PRKDC: variants seen among roughly 807,000 people sequenced by gnomAD.
PRKDC encodes the protein DNA-dependent protein kinase catalytic subunit.
Under a neutral mutation model 486.9 loss-of-function variants are expected in PRKDC, and 82 were observed. The observed-to-expected ratio is 0.17, with a 90% CI of 0.14 to 0.20. PRKDC has a LOEUF of 0.20. PRKDC is among the 10% of genes least tolerant of loss of function. PRKDC has a pLI of 1.00. For synonymous variants in PRKDC, 1,895 were observed against 1,837.0 expected, an observed-to-expected ratio of 1.03 and a Z score of -0.81; for missense variants, 4,504 against 5,038.2, an observed-to-expected ratio of 0.89 and a Z score of 3.21.
Position 47,957,380 on chromosome 8 carries a change from A to T in PRKDC, c.206T>A (p.Val69Asp), listed in dbSNP as rs1272072851. ...TTCAATACTGTTGAGTGACTTCCGG[A>T]CAAATACAAGCAAACCGAAATCTCT... ...FSRDFGLLVF[V>D]RKSLNSIEFR... Residue 69 changes from valine (V) to aspartate (D), a missense_variant, in exon 2 of 86, where the codon GTC (valine) becomes GAC (aspartate). This residue lies in a region of PRKDC where 145 missense variants were observed against 136.3 expected (regional missense o/e 1.06). Coordinates refer to ENST00000314191, the MANE Select transcript of PRKDC (RefSeq NM_006904.7). 6.3e-7 allele frequency: 1 copy of T among 1,598,116 alleles called. No individual in the cohort carries two copies. Among genetic ancestry groups the T allele is most frequent in the Non-Finnish European group, 8.5e-7 (1 of 1,171,722 alleles).
At chr8:47,877,535 C>T (rs1309291282) in intron 40 of PRKDC, among the ~76,000 whole-genome samples, 189 bp downstream of exon 40, 1 of 152,192 alleles carries the variant, frequency 6.6e-6, no homozygotes, top group Non-Finnish European at 1.5e-5. Context: ...TATTTATACT[C>T]TTCCTCTAGC....
chr8:47,786,254 T>TA (rs1383355793), intron 76 of PRKDC, among the ~76,000 whole-genome samples: 1 of 150,406 alleles, frequency 6.6e-6, no homozygotes, highest in Non-Finnish European at 1.5e-5. Context: ...CTACTAAAAA[T>TA]AAAAAAAATT....
chr8:47,882,240 G>A (rs1563783127), intron 36 of PRKDC, 143 bp from the exon 37 acceptor site: 10 of 804,236 alleles, frequency 1.2e-5, no homozygotes, highest in South Asian at 4.0e-5. Flanking sequence ...AAAACTCCTC[G>A]AGTTTGATTT....
At chr8:47,946,737 G>T (rs2090537885) in intron 7 of PRKDC, among the ~76,000 whole-genome samples, 1 of 152,102 alleles carries the variant, frequency 6.6e-6, no homozygotes, top group African/African-American at 2.4e-5. Context: ...CTGCACACCT[G>T]ATATCTAAGC....
rs1290054677 is a variant in PRKDC at position 47,936,220 on chromosome 8, C to T, written c.1278+133G>A. 2.9e-5 allele frequency: 29 copies of T among 1,012,148 alleles called. No individual in the cohort carries two copies. The Admixed American group carries it at 9.1e-4, about 32-fold the overall frequency. The allele number at this position is 1,012,148 out of a possible 1,614,324, so 62.7% of individuals were successfully genotyped here. A position where few individuals can be genotyped will look rare whatever the true frequency, so the allele number is the denominator to read the frequency against. On this transcript the variant is annotated intron_variant, in intron 12 of 85. Transcript: ENST00000314191. ...GAGTTTCATGACAATAATTCTATTG[C>T]CACAAAGTACTAACTAAAACTGTCA...
intron 71 of PRKDC, among the ~76,000 whole-genome samples, chr8:47,799,617 G>A (rs566433241): frequency 2.6e-4 from 39 of 152,256 alleles, no homozygotes; most frequent in Middle Eastern, 3.4e-3. Context: ...AGCCCAGCGC[G>A]GGCCAGATGG....
At chr8:47,876,473 C>A (rs2089094318) in intron 40 of PRKDC, among the ~76,000 whole-genome samples, 1 of 151,960 alleles carries the variant, frequency 6.6e-6, no homozygotes, top group African/African-American at 2.4e-5. Context: ...ACCAGCCTGG[C>A]CAACATGGTG....
intron 25 of PRKDC, 103 bp from the exon 26 acceptor site, chr8:47,905,079 T>TA: frequency 1.3e-6 from 1 of 799,830 alleles, no homozygotes; most frequent in Non-Finnish European, 2.0e-6. Flanking sequence ...AATTAAGTAA[T>TA]ACTACTACCA....
intron 17 of PRKDC, 102 bp downstream of exon 17, chr8:47,930,570 C>T: frequency 1.6e-6 from 2 of 1,229,300 alleles, no homozygotes; most frequent in Non-Finnish European, 1.1e-6. Flanking sequence ...CCGAACCCGG[C>T]CTATTATTTC....
chr8:47,896,759 G>A (rs992320850), intron 30 of PRKDC, among the ~76,000 whole-genome samples: 3 of 152,138 alleles, frequency 2.0e-5, no homozygotes, highest in African/African-American at 7.2e-5. Flanking sequence ...CACAATGGGG[G>A]AAGGCAGGGC....
At position 47,955,969 on chromosome 8, in the gene PRKDC, A is replaced by G. The variant is rs185376596; in HGVS notation, c.325-21T>C. 1.0e-5 allele frequency: 15 copies of G among 1,494,780 alleles called. No individual in the cohort carries two copies. The Admixed American group carries it at 2.7e-4, about 27-fold the overall frequency. The allele number at this position is 1,494,780 out of a possible 1,614,324, so 92.6% of individuals were successfully genotyped here. A position where few individuals can be genotyped will look rare whatever the true frequency, so the allele number is the denominator to read the frequency against. On this transcript the variant is annotated intron_variant, in intron 3 of 85. Transcript: ENST00000314191. ...GTGTTCTAGGTTTTAAAAAAAAAATAACCAAAATCATCAATAAGATATAAA... is the reference window on the plus strand; with the variant it reads ...GTGTTCTAGGTTTTAAAAAAAAAATGACCAAAATCATCAATAAGATATAAA...
intron 61 of PRKDC, 77 bp downstream of exon 61, chr8:47,830,528 T>C (rs2087840462): frequency 2.6e-6 from 4 of 1,560,542 alleles, no homozygotes; most frequent in Non-Finnish European, 1.7e-6. Context: ...CTCAGCCATG[T>C]TTCCTCACAT....
In PRKDC at chr8:47,887,601, A is replaced by T. The variant is rs771841958; in HGVS notation, c.4518T>A (p.Ser1506Arg). 3.1e-5 allele frequency: 49 copies of T among 1,600,908 alleles called. No individual in the cohort carries two copies. Among genetic ancestry groups the T allele is most frequent in the Non-Finnish European group, 3.9e-5 (46 of 1,173,700 alleles). The stretch of plus-strand genomic sequence containing the variant: ...GAAGTCCGCTGGCCAGCTGCTTACA[A>T]CTGAGGTCTAGAGAAGGCAGACACT... ...ERQCLPSLDL[S>R]CKQLASGLLE... The change falls in exon 35 of 86, where the codon AGT (serine) becomes AGA (arginine). Residue 1506 changes from serine (S) to arginine (R), a missense_variant. Around this residue, in one of 6 missense-constraint regions of PRKDC, gnomAD observed 1,969 missense variants for 2,068.9 expected, o/e 0.95. Transcript: ENST00000314191.
At chr8:47,939,931 C>T (rs1310701035) in intron 10 of PRKDC, 1 of 184,800 alleles carries the variant, frequency 5.4e-6, no homozygotes, top group Non-Finnish European at 1.0e-5. Context: ...ACTAAGAGAC[C>T]AAGGATACAC....
Position 47,774,012 on chromosome 8 carries a change from A to G in PRKDC, c.*161T>C. ...TCTTTGATTTAACCCATACACATTTACTCATCATAATCTTGATTTAAACTC... is the reference window on the plus strand; with the variant it reads ...TCTTTGATTTAACCCATACACATTTGCTCATCATAATCTTGATTTAAACTC... On this transcript the variant is annotated 3_prime_UTR_variant, in exon 86 of 86. Transcript: ENST00000314191. 1 of 673,274 alleles carries G rather than the reference A, an allele frequency of 1.5e-6. No homozygotes were observed. The highest frequency in any genetic ancestry group is 2.4e-6 in the Non-Finnish European group (1 of 409,972). 41.7% of individuals were successfully genotyped at this position (673,274 alleles called of 1,614,324 possible).
At chr8:47,824,495 G>A (rs1454495790) in intron 63 of PRKDC, among the ~76,000 whole-genome samples, 1 of 144,724 alleles carries the variant, frequency 6.9e-6, no homozygotes, top group African/African-American at 2.5e-5. Flanking sequence ...AAAAAAAAAG[G>A]TGGAATCTGA....
rs1006162362 is a variant in PRKDC at position 47,783,000 on chromosome 8, G to A, written c.11176-402C>T. 9 of 204,024 alleles carry A rather than the reference G, an allele frequency of 4.4e-5. No homozygotes were observed. Among genetic ancestry groups the A allele is most frequent in the African/African-American group, 2.1e-4 (9 of 43,096 alleles). 12.6% of individuals were successfully genotyped at this position (204,024 alleles called of 1,614,324 possible). A position where few individuals can be genotyped will look rare whatever the true frequency, so the allele number is the denominator to read the frequency against. ...ATAATATATTAAGAAACCCAGGGCC[G>A]GGAGCAGTGGCTTACGCCTGTAATC... On this transcript the variant is annotated intron_variant, in intron 78 of 85. Coordinates refer to ENST00000314191, the MANE Select transcript of PRKDC (RefSeq NM_006904.7). The surrounding 1 kb of genome is among the most constrained non-coding windows in gnomAD (Gnocchi z 4.9).
intron 68 of PRKDC, among the ~76,000 whole-genome samples, chr8:47,814,001 T>C (rs536394990): frequency 6.6e-6 from 1 of 152,340 alleles, no homozygotes; most frequent in African/African-American, 2.4e-5. Flanking sequence ...CCCACTTGGA[T>C]GTAGATGCTA....
Position 47,888,501 on chromosome 8 carries a change from C to T in PRKDC, c.4413+17G>A. ...ACTAAAGCTAAAATAAATGTAAAAA[C>T]AATAAGTTATAGTTACCTGAGACGG... On this transcript the variant is annotated intron_variant, in intron 34 of 85. Transcript: ENST00000314191. The T allele has an allele frequency of 6.7e-7, 1 of 1,484,218 alleles. No individual in the cohort carries two copies. Among genetic ancestry groups the T allele is most frequent in the African/African-American group, 1.4e-5 (1 of 70,790 alleles). 91.9% of individuals were successfully genotyped at this position (1,484,218 alleles called of 1,614,324 possible).
Sources: gnomAD v4.1 joint callset for allele counts (sites outside exome capture counted in the v4.1 genomes callset) on GRCh38, gnomAD v4.1.1 for gene constraint, gnomAD v4.1.1 regional missense constraint, Gnocchi (gnomAD v3.1) non-coding constraint, MANE v1.5 for transcripts, NCBI Gene and HGNC (gene_info 2026-07-23, HGNC 2026-07-21) for gene names.